Variants in CNTN4 observed in about 807,000 individuals in gnomAD.
CNTN4 encodes contactin-4.
Under a neutral mutation model 122.5 loss-of-function variants are expected in CNTN4, and 77 were observed. The ratio of observed to expected loss-of-function variants is 0.63; its 90% CI spans 0.52 to 0.76. The LOEUF is 0.76. Among genes scored for constraint, CNTN4 ranks in the 30% least tolerant of loss-of-function variants. The pLI, the probability that CNTN4 is intolerant of heterozygous loss-of-function variation, is 0.00. For synonymous variants in CNTN4, 512 were observed against 447.0 expected (o/e 1.15, Z -1.83); for missense variants, 1,256 against 1,259.1 (o/e 1.00, Z 0.04).
At chr3:2,902,769 G>C in intron 11 of CNTN4, 107 bp from the exon 12 acceptor site, 1 of 1,161,582 alleles carries the variant, frequency 8.6e-7, no homozygotes, top group East Asian at 2.6e-5. Context: ...CTTATATGAT[G>C]GCTGTTTTCT....
chr3:2,884,342 G>T (rs541450786), intron 9 of CNTN4, among the ~76,000 whole-genome samples: 2 of 151,858 alleles, frequency 1.3e-5, no homozygotes, highest in Non-Finnish European at 2.9e-5. Context: ...TTTTATTGTC[G>T]GTTCTAATAG....
intron 2 of CNTN4, among the ~76,000 whole-genome samples, chr3:2,329,088 G>A (rs2043599436): frequency 6.6e-6 from 1 of 151,870 alleles, no homozygotes; most frequent in South Asian, 2.1e-4. Flanking sequence ...TTTCACAAAT[G>A]GAAAATTAAC....
chr3:2,392,914 C>G (rs67511219), intron 3 of CNTN4, among the ~76,000 whole-genome samples: 24,146 of 152,086 alleles, frequency 0.16, 2,371 homozygotes, highest in Middle Eastern at 0.23. Flanking sequence ...ACGTTTACCT[C>G]TTTCTGGAAC....
At chr3:2,409,494 G>A (rs1435275587) in intron 3 of CNTN4, among the ~76,000 whole-genome samples, 4 of 151,966 alleles carry the variant, frequency 2.6e-5, no homozygotes, top group Non-Finnish European at 4.4e-5. Context: ...TGATCTGCAC[G>A]CCTCAGCCTC....
intron 14 of CNTN4, among the ~76,000 whole-genome samples, chr3:2,994,692 T>C (rs1046416648): frequency 2.4e-4 from 35 of 147,016 alleles, no homozygotes; most frequent in African/African-American, 8.5e-4. Flanking sequence ...AATTCTTCTG[T>C]TTTAACTGTA....
intron 2 of CNTN4, among the ~76,000 whole-genome samples, chr3:2,176,663 G>A (rs1336225580): frequency 2.0e-5 from 3 of 152,104 alleles, no homozygotes; most frequent in Non-Finnish European, 4.4e-5. Context: ...AGATTAGCAT[G>A]ATATGCCACA....
At chr3:2,347,853 C>CTT (rs149954209) in intron 3 of CNTN4, among the ~76,000 whole-genome samples, 1 of 151,350 alleles carries the variant, frequency 6.6e-6, no homozygotes, top group Non-Finnish European at 1.5e-5. Flanking sequence ...TTTGGTTTAT[C>CTT]TTTTTTTTAA....
chr3:2,599,540 T>C (rs2080931879), intron 4 of CNTN4, among the ~76,000 whole-genome samples: 1 of 152,172 alleles, frequency 6.6e-6, no homozygotes, highest in Admixed American at 6.6e-5. Context: ...CATGTGTGAT[T>C]TTATTGTACA....
At chr3:2,588,675 A>G (rs2080321245) in intron 4 of CNTN4, among the ~76,000 whole-genome samples, 1 of 151,642 alleles carries the variant, frequency 6.6e-6, no homozygotes, top group Admixed American at 6.6e-5. Context: ...ATGAGTTAGT[A>G]CTTTTTTAGT....
chr3:2,403,799 A>G (rs1243218886), intron 3 of CNTN4, among the ~76,000 whole-genome samples: 2 of 152,178 alleles, frequency 1.3e-5, no homozygotes, highest in African/African-American at 4.8e-5. Flanking sequence ...TGAAATGCCA[A>G]AAGTCACCTG....
At chr3:2,939,499 G>A (rs1412673430) in intron 13 of CNTN4, among the ~76,000 whole-genome samples, 1 of 152,064 alleles carries the variant, frequency 6.6e-6, no homozygotes, top group East Asian at 1.9e-4. Flanking sequence ...TCATGGAACA[G>A]GAGTTAAAAT....
At chr3:2,514,384 T>C (rs1393499214) in intron 3 of CNTN4, among the ~76,000 whole-genome samples, 1 of 151,856 alleles carries the variant, frequency 6.6e-6, no homozygotes, top group Admixed American at 6.6e-5. Context: ...AGGCCTGTAG[T>C]CCCAGCTACC....
intron 14 of CNTN4, among the ~76,000 whole-genome samples, chr3:3,009,881 A>G (rs1697051501): frequency 6.6e-6 from 1 of 151,258 alleles, no homozygotes; most frequent in African/African-American, 2.4e-5. Flanking sequence ...TTCATTGACT[A>G]AGAACTGGGC....
chr3:2,856,741 C>T (rs527325431), intron 7 of CNTN4, among the ~76,000 whole-genome samples: 8 of 152,268 alleles, frequency 5.3e-5, no homozygotes. Context: ...CAACTCCTCG[C>T]TTGAGGGATC....
intron 3 of CNTN4, among the ~76,000 whole-genome samples, chr3:2,417,412 G>C (rs2047456232): frequency 6.6e-6 from 1 of 152,136 alleles, no homozygotes; most frequent in Non-Finnish European, 1.5e-5. Flanking sequence ...ATCAAGATTT[G>C]GATTCAGAAA....
At chr3:2,410,947 G>T (rs1431622285) in intron 3 of CNTN4, among the ~76,000 whole-genome samples, 1 of 152,082 alleles carries the variant, frequency 6.6e-6, no homozygotes, top group Admixed American at 6.6e-5. Context: ...TGTTAGTTTT[G>T]CTCTTAACTG....
At chr3:2,258,692 C>T (rs2040699130) in intron 2 of CNTN4, among the ~76,000 whole-genome samples, 1 of 152,124 alleles carries the variant, frequency 6.6e-6, no homozygotes, top group African/African-American at 2.4e-5. Flanking sequence ...GCCTATTTCT[C>T]AATTTATTTC....
At chr3:2,171,740 C>T (rs2036524989) in intron 2 of CNTN4, among the ~76,000 whole-genome samples, 1 of 152,126 alleles carries the variant, frequency 6.6e-6, no homozygotes. Flanking sequence ...CCAGTCACAT[C>T]AAAAACCATG....
At chr3:2,798,073 A>AT (rs1553642290) in intron 6 of CNTN4, among the ~76,000 whole-genome samples, 2 of 108,786 alleles carry the variant, frequency 1.8e-5, no homozygotes, top group African/African-American at 7.1e-5. Flanking sequence ...AATCCCTCCC[A>AT]CCCTCCCACT....
Sources: gnomAD v4.1 joint callset for allele counts (sites outside exome capture counted in the v4.1 genomes callset) on GRCh38, gnomAD v4.1.1 for gene constraint, MANE v1.5 for transcripts, NCBI Gene and HGNC (gene_info 2026-07-23, HGNC 2026-07-21) for gene names.